The following GRIK2 variants were observed in gnomAD, a reference collection of about 807,000 sequenced individuals.
The protein encoded by GRIK2 is glutamate receptor ionotropic, kainate 2.
A neutral mutation model predicts 100.3 loss-of-function variants in GRIK2; 32 were observed. The ratio of observed to expected loss-of-function variants is 0.32; its 90% CI spans 0.24 to 0.43. GRIK2 has a LOEUF of 0.43. Ranked by LOEUF, GRIK2 falls within the 20% of genes least tolerant of loss-of-function variation. The pLI, the probability that GRIK2 is intolerant of heterozygous loss-of-function variation, is 1.00. For synonymous variants in GRIK2, 417 were observed against 389.4 expected, an observed-to-expected ratio of 1.07 and a Z score of -0.83; for missense variants, 843 against 1,114.9, an observed-to-expected ratio of 0.76 and a Z score of 3.47.
At chr6:101,565,224 C>T (rs1438561645) in intron 2 of GRIK2, among the ~76,000 whole-genome samples, 3 of 152,024 alleles carry the variant, frequency 2.0e-5, no homozygotes, top group African/African-American at 2.4e-5. Context: ...ATAGGCCCTT[C>T]TAAAGTGGTT....
At chr6:101,605,446 G>A (rs1779399155) in intron 2 of GRIK2, among the ~76,000 whole-genome samples, 1 of 150,254 alleles carries the variant, frequency 6.7e-6, no homozygotes, top group African/African-American at 2.5e-5. Context: ...TCCAATATCT[G>A]TCCATATTAA....
At chr6:101,477,578 T>C (rs1772310686) in intron 2 of GRIK2, among the ~76,000 whole-genome samples, 1 of 151,896 alleles carries the variant, frequency 6.6e-6, no homozygotes. Flanking sequence ...ATCTTAACCA[T>C]ATGGTGAGGC....
At chr6:101,585,049 C>T (rs1260867296) in intron 2 of GRIK2, among the ~76,000 whole-genome samples, 1 of 151,906 alleles carries the variant, frequency 6.6e-6, no homozygotes, top group African/African-American at 2.4e-5. Flanking sequence ...GTAGAAAAAT[C>T]CAACTCAAAT....
rs564541921 is a variant in GRIK2, at chr6:101,472,818, A to G, written c.115+73426A>G. On this transcript the variant is annotated intron_variant, in intron 2 of 16. Coordinates refer to ENST00000369134, the MANE Select transcript of GRIK2 (RefSeq NM_021956.5). ...TTTAAAGACTGATACTCATTTCAGA[A>G]TAAGAAATGGTATATATTCAGAATT... Among the ~76,000 whole-genome samples, 3 of 151,966 alleles carry G rather than the reference A, an allele frequency of 2.0e-5. No homozygotes were observed. The East Asian group carries it at 5.8e-4, about 29-fold the overall frequency.
At chr6:102,060,777 A>G (rs1771708291) in intron 16 of GRIK2, among the ~76,000 whole-genome samples, 1 of 150,692 alleles carries the variant, frequency 6.6e-6, no homozygotes, top group South Asian at 2.1e-4. Flanking sequence ...ATTTCTAAGT[A>G]AATTTTCAGT....
intron 11 of GRIK2, among the ~76,000 whole-genome samples, chr6:101,884,436 A>G (rs1346530135): frequency 6.6e-6 from 1 of 152,134 alleles, no homozygotes; most frequent in African/African-American, 2.4e-5. Flanking sequence ...TAAAAATAAG[A>G]TCATTATGTT....
intron 10 of GRIK2, among the ~76,000 whole-genome samples, chr6:101,842,575 G>C (rs1783579689): frequency 6.6e-6 from 1 of 152,100 alleles, no homozygotes; most frequent in Admixed American, 6.5e-5. Flanking sequence ...TTAAAGCAGA[G>C]TATTTTCTTT....
At chr6:101,429,392 A>T (rs1232224498) in intron 2 of GRIK2, among the ~76,000 whole-genome samples, 2 of 152,204 alleles carry the variant, frequency 1.3e-5, no homozygotes, top group Admixed American at 1.3e-4. Flanking sequence ...CTACATATGC[A>T]CTGTCCTTCT....
At chr6:101,873,030 G>A (rs932529113) in intron 11 of GRIK2, among the ~76,000 whole-genome samples, 4 of 151,936 alleles carry the variant, frequency 2.6e-5, no homozygotes, top group Middle Eastern at 3.4e-3. Flanking sequence ...GGTCCCCAAT[G>A]CTTATTATGC....
At chr6:101,906,888 T>G (rs1788269460) in intron 12 of GRIK2, among the ~76,000 whole-genome samples, 1 of 151,788 alleles carries the variant, frequency 6.6e-6, no homozygotes, top group African/African-American at 2.4e-5. Context: ...TTGATTGCTA[T>G]TTTTCCTCAT....
intron 2 of GRIK2, among the ~76,000 whole-genome samples, chr6:101,575,151 G>C (rs892978659): frequency 4.2e-4 from 64 of 151,670 alleles, no homozygotes; most frequent in Non-Finnish European, 2.1e-4. Context: ...AAAGATAAGG[G>C]ATAGGTACAA....
chr6:101,782,445 T>C (rs1375289689), intron 7 of GRIK2, among the ~76,000 whole-genome samples: 1 of 152,096 alleles, frequency 6.6e-6, no homozygotes, highest in African/African-American at 2.4e-5. Context: ...TACACAGGAG[T>C]GAGAACATGT....
chr6:102,062,059 T>G (rs1771780355), intron 16 of GRIK2, among the ~76,000 whole-genome samples: 1 of 150,196 alleles, frequency 6.7e-6, no homozygotes, highest in African/African-American at 2.4e-5. Context: ...TAGGGGAAAT[T>G]TAAAAGTGTA....
At chr6:101,947,596 C>T (rs1791359634) in intron 14 of GRIK2, among the ~76,000 whole-genome samples, 1 of 152,004 alleles carries the variant, frequency 6.6e-6, no homozygotes, top group Admixed American at 6.6e-5. Flanking sequence ...ATAAGAGAAA[C>T]ACTTGCTTAT....
intron 10 of GRIK2, among the ~76,000 whole-genome samples, chr6:101,849,380 GCA>G (rs1562436799): frequency 6.6e-6 from 1 of 151,982 alleles, no homozygotes; most frequent in Non-Finnish European, 1.5e-5. Context: ...ATTATCCTGA[GCA>G]CCTCTTGAGC....
intron 2 of GRIK2, among the ~76,000 whole-genome samples, chr6:101,465,859 C>A (rs1771618032): frequency 6.6e-6 from 1 of 152,152 alleles, no homozygotes; most frequent in African/African-American, 2.4e-5. Context: ...AGAAAATTAT[C>A]TTTAATTTGG....
At chr6:101,783,482 G>A (rs1779231568) in intron 7 of GRIK2, among the ~76,000 whole-genome samples, 1 of 152,180 alleles carries the variant, frequency 6.6e-6, no homozygotes, top group African/African-American at 2.4e-5. Flanking sequence ...CCTTATAGCA[G>A]TGTGAAAAAT....
intron 2 of GRIK2, among the ~76,000 whole-genome samples, chr6:101,401,078 G>C (rs1324087625): frequency 6.6e-6 from 1 of 152,134 alleles, no homozygotes; most frequent in Admixed American, 6.5e-5. Context: ...ATGGTAGTTT[G>C]CCCAATATTT....
At chr6:101,503,947 C>T (rs757035984) in intron 2 of GRIK2, among the ~76,000 whole-genome samples, 2 of 152,062 alleles carry the variant, frequency 1.3e-5, no homozygotes, top group Non-Finnish European at 2.9e-5. Flanking sequence ...AAGGTTCAAA[C>T]TATGGAGAAA....
Sources: allele counts gnomAD v4.1 joint callset (sites outside exome capture counted in the v4.1 genomes callset), GRCh38; gene constraint gnomAD v4.1.1; transcripts MANE v1.5; gene names NCBI Gene and HGNC (gene_info 2026-07-23, HGNC 2026-07-21).